The following FOXJ2 variants were observed in gnomAD, a reference collection of about 807,000 sequenced individuals.
FOXJ2 encodes the protein forkhead box J2.
A neutral mutation model predicts 68.4 loss-of-function variants in FOXJ2; 18 were observed. The observed-to-expected ratio is 0.26, with a 90% CI of 0.18 to 0.39. The LOEUF (loss-of-function observed/expected upper bound fraction) is 0.39, where lower values mean the gene tolerates loss of function less well. Ranked by LOEUF, FOXJ2 falls within the 10% of genes least tolerant of loss-of-function variation. The pLI, the probability that FOXJ2 is intolerant of heterozygous loss-of-function variation, is 1.00. For synonymous variants in FOXJ2, 274 were observed against 263.2 expected (o/e 1.04, Z -0.40); for missense variants, 670 against 726.5 (o/e 0.92, Z 0.89).
rs1256725880 is a variant in FOXJ2, at chr12:8,048,159, G to C, written c.1095G>C (p.Met365Ile). 1 of 1,613,794 alleles carries C rather than the reference G, an allele frequency of 6.2e-7. No homozygotes were observed. Among genetic ancestry groups the C allele is most frequent in the Non-Finnish European group, 8.5e-7 (1 of 1,179,904 alleles). ...ATGGGCCTCCCCCTGTAATGGCCAT[G>C]CATCCACCCCCGCTGCAGCATGGAG... is the stretch of plus-strand genomic sequence containing the variant. ...EGYGPPPVMA[M>I]HPPPLQHGGY... is the part of the protein sequence containing the mutation. The change falls in exon 7 of 11, where the codon ATG becomes ATC. Residue 365 changes from methionine (M) to isoleucine (I), a missense_variant. By Grantham distance (10) the Met-to-Ile change is conservative. Around this residue, in one of 2 missense-constraint regions of FOXJ2, gnomAD observed 555 missense variants for 562.2 expected, o/e 0.99. Coordinates refer to ENST00000162391, the MANE Select transcript of FOXJ2 (RefSeq NM_018416.3).
Position 8,040,195 on chromosome 12 carries a change from G to A in FOXJ2, c.333+30G>A, listed in dbSNP as rs754472539. 5 of 1,604,906 alleles carry A rather than the reference G, an allele frequency of 3.1e-6. No homozygotes were observed. Among genetic ancestry groups the A allele is most frequent in the African/African-American group, 2.7e-5 (2 of 74,678 alleles). ...GAATGCTTCTATAATCTTGGCTTAGGTTTAGGCTTCAACAGCCTTTTTAGA... is the reference window on the plus strand; with the variant it reads ...GAATGCTTCTATAATCTTGGCTTAGATTTAGGCTTCAACAGCCTTTTTAGA... On this transcript the variant is annotated intron_variant, in intron 2 of 10. Transcript: ENST00000162391. The surrounding 1 kb of genome is among the most constrained non-coding windows in gnomAD (Gnocchi z 4.0).
At position 8,050,495 on chromosome 12, in the gene FOXJ2, C is replaced by T. The variant is rs763078744; in HGVS notation, c.1538-27C>T. The T allele has an allele frequency of 2.5e-6, 4 of 1,604,196 alleles. No homozygotes were observed. The African/African-American group carries it at 5.4e-5, about 22-fold the overall frequency. ...GTACAGTGACCCGCCCCCCCCAACT[C>T]AAGTAACTCTTGTCTTGCTTTGGCA... On this transcript the variant is annotated intron_variant, in intron 9 of 10. Coordinates refer to ENST00000162391, the MANE Select transcript of FOXJ2 (RefSeq NM_018416.3).
Position 8,048,143 on chromosome 12 carries a change from C to A in FOXJ2, c.1079C>A (p.Pro360His). The A allele has an allele frequency of 6.2e-7, 1 of 1,613,878 alleles. No individual in the cohort carries two copies. Among genetic ancestry groups the A allele is most frequent in the Non-Finnish European group, 8.5e-7 (1 of 1,179,866 alleles). Residue 360 changes from proline (P) to histidine (H), a missense_variant, in exon 7 of 11, where the codon CCC becomes CAC. Around this residue, in one of 2 missense-constraint regions of FOXJ2, gnomAD observed 555 missense variants for 562.2 expected, o/e 0.99. Coordinates refer to ENST00000162391, the MANE Select transcript of FOXJ2 (RefSeq NM_018416.3). ...GCTGGGGCGGAAGGCTATGGGCCTC[C>A]CCCTGTAATGGCCATGCATCCACCC... ...KQAGAEGYGP[P>H]PVMAMHPPPL...
Position 8,033,176 on chromosome 12 carries a change from T to G in FOXJ2, c.-672T>G. 1 of 291,318 alleles carries G rather than the reference T, an allele frequency of 3.4e-6. No homozygotes were observed. The highest frequency in any genetic ancestry group is 6.3e-6 in the Non-Finnish European group (1 of 158,316). 18.0% of individuals were successfully genotyped at this position (291,318 alleles called of 1,614,324 possible). A position where few individuals can be genotyped will look rare whatever the true frequency, so the allele number is the denominator to read the frequency against. On this transcript the variant is annotated 5_prime_UTR_variant, in exon 1 of 11. Coordinates refer to ENST00000162391, the MANE Select transcript of FOXJ2 (RefSeq NM_018416.3). ...CCCCAGAAGTGGAAAGAAGGGAGCT[T>G]TCCGTAGGGAAGCAGAGTGAGACCA...
chr12:8,047,065 T>A (rs1202476239), intron 6 of FOXJ2, among the ~76,000 whole-genome samples: 1 of 152,156 alleles, frequency 6.6e-6, no homozygotes, highest in African/African-American at 2.4e-5. Context: ...CCAGCCTGTC[T>A]GCTTGAGAAA....
In FOXJ2 at chr12:8,038,895, C is replaced by G. The variant is rs775125077; in HGVS notation, c.-14-924C>G. On this transcript the variant is annotated intron_variant, in intron 1 of 10. Coordinates refer to ENST00000162391, the MANE Select transcript of FOXJ2 (RefSeq NM_018416.3). The surrounding 1 kb of genome is among the most constrained non-coding windows in gnomAD (Gnocchi z 5.3). ...GAGGGCGGAGAAGGGGAGCCAGCTC[C>G]GAGCTCCAGAGTGGCTATTTTTAGC... 7.9e-5 allele frequency among the ~76,000 whole-genome samples: 12 copies of G among 152,240 alleles called. No homozygotes were observed. The East Asian group carries it at 1.9e-3, about 24-fold the overall frequency.
Position 8,044,102 on chromosome 12 carries a change from G to C in FOXJ2, c.618+11G>C. ...GCCAGCTACAGCCAGGTAGGAAGCA[G>C]ATATGGCAGGGGTCATGGGATGGGT... On this transcript the variant is annotated intron_variant, in intron 5 of 10. Coordinates refer to ENST00000162391, the MANE Select transcript of FOXJ2 (RefSeq NM_018416.3). 1 of 1,521,978 alleles carries C rather than the reference G, an allele frequency of 6.6e-7. No individual in the cohort carries two copies. Among genetic ancestry groups the C allele is most frequent in the Non-Finnish European group, 8.8e-7 (1 of 1,137,594 alleles). The allele number at this position is 1,521,978 out of a possible 1,614,324, so 94.3% of individuals were successfully genotyped here. A position where few individuals can be genotyped will look rare whatever the true frequency, so the allele number is the denominator to read the frequency against.
rs747442890 is a variant in FOXJ2, at chr12:8,054,018, A to G, written c.*1168A>G. 1 of 152,248 alleles carries G rather than the reference A, an allele frequency of 6.6e-6. No individual in the cohort carries two copies. Among genetic ancestry groups the G allele is most frequent in the East Asian group, 1.9e-4 (1 of 5,190 alleles). The allele number at this position is 152,248 out of a possible 1,614,324, so 9.4% of individuals were successfully genotyped here. On this transcript the variant is annotated 3_prime_UTR_variant, in exon 11 of 11. Transcript: ENST00000162391. ...AACCTTTAGTGTTGGTGGTAGGAGGATGGGGAGAGGAAAAAAGAGCTGGCA... is the reference window on the plus strand; with the variant it reads ...AACCTTTAGTGTTGGTGGTAGGAGGGTGGGGAGAGGAAAAAAGAGCTGGCA...
Position 8,055,317 on chromosome 12 carries a change from G to T in FOXJ2, c.*2467G>T, listed in dbSNP as rs1258209934. 1 of 152,530 alleles carries T rather than the reference G, an allele frequency of 6.6e-6. No homozygotes were observed. The highest frequency in any genetic ancestry group is 2.4e-5 in the African/African-American group (1 of 41,396). 9.4% of individuals were successfully genotyped at this position (152,530 alleles called of 1,614,324 possible). A position where few individuals can be genotyped will look rare whatever the true frequency, so the allele number is the denominator to read the frequency against. ...AGAGGGACAAAAGGAGTAATTATTT[G>T]GTATAGATCCACCCATCCCAACCTT... On this transcript the variant is annotated 3_prime_UTR_variant, in exon 11 of 11. Transcript: ENST00000162391.
Position 8,033,208 on chromosome 12 carries a change from C to T in FOXJ2, c.-640C>T, listed in dbSNP as rs1343599575. 2 of 237,018 alleles carry T rather than the reference C, an allele frequency of 8.4e-6. No individual in the cohort carries two copies. The highest frequency in any genetic ancestry group is 2.2e-5 in the African/African-American group (1 of 44,482). The allele number at this position is 237,018 out of a possible 1,614,324, so 14.7% of individuals were successfully genotyped here. A position where few individuals can be genotyped will look rare whatever the true frequency, so the allele number is the denominator to read the frequency against. Reference sequence around the variant, plus strand: ...GGGAAGCAGAGTGAGACCACCCTAGCGCGCCCCCGCCCCTCCAAACACACA... The same window carrying T: ...GGGAAGCAGAGTGAGACCACCCTAGTGCGCCCCCGCCCCTCCAAACACACA... On this transcript the variant is annotated 5_prime_UTR_variant, in exon 1 of 11. Coordinates refer to ENST00000162391, the MANE Select transcript of FOXJ2 (RefSeq NM_018416.3).
chr12:8,052,720 C>T, intron 10 of FOXJ2, 42 bp from the exon 11 acceptor site: 1 of 1,524,188 alleles, frequency 6.6e-7, no homozygotes, highest in South Asian at 1.2e-5. Context: ...GGAACAGCTT[C>T]CCATCCACTC....
rs1052251623 is a variant in FOXJ2 at position 8,053,306 on chromosome 12, G to T, written c.*456G>T. 6.6e-6 allele frequency: 1 copy of T among 152,590 alleles called. No individual in the cohort carries two copies. The highest frequency in any genetic ancestry group is 1.5e-5 in the Non-Finnish European group (1 of 68,070). The allele number at this position is 152,590 out of a possible 1,614,324, so 9.5% of individuals were successfully genotyped here. A position where few individuals can be genotyped will look rare whatever the true frequency, so the allele number is the denominator to read the frequency against. ...TGTTTTTTGTTCCCATCAGTTTCAG[G>T]CCAGGACTGGAGAGGCCACATTACC... On this transcript the variant is annotated 3_prime_UTR_variant, in exon 11 of 11. Coordinates refer to ENST00000162391, the MANE Select transcript of FOXJ2 (RefSeq NM_018416.3). This position sits in a 1 kb window ranked among gnomAD's most constrained non-coding sequence, Gnocchi z 4.1.
intron 6 of FOXJ2, among the ~76,000 whole-genome samples, chr12:8,045,686 C>T (rs370751125): frequency 6.7e-6 from 1 of 148,750 alleles, no homozygotes; most frequent in African/African-American, 2.5e-5. Context: ...GGCACAGTTT[C>T]GCTCTTTGTT....
intron 10 of FOXJ2, among the ~76,000 whole-genome samples, chr12:8,050,910 CCCTT>C (rs1947113093): frequency 1.2e-5 from 1 of 86,114 alleles, no homozygotes; most frequent in African/African-American, 5.4e-5. Context: ...CCCTTCCCTT[CCCTT>C]TCCTTCCCCT....
At chr12:8,036,797 C>T (rs1735731292) in intron 1 of FOXJ2, among the ~76,000 whole-genome samples, 1 of 152,158 alleles carries the variant, frequency 6.6e-6, no homozygotes, top group South Asian at 2.1e-4. Context: ...GGCATCAAGA[C>T]TTCACTGGGG....
At chr12:8,050,181 G>A (rs1002179965) in intron 9 of FOXJ2, 40 of 299,120 alleles carry the variant, frequency 1.3e-4, no homozygotes, top group African/African-American at 6.4e-4. Flanking sequence ...TCACCGTGTC[G>A]CCCAGGCTAT....
intron 1 of FOXJ2, among the ~76,000 whole-genome samples, chr12:8,034,714 T>C (rs1946874609): frequency 6.6e-6 from 1 of 152,196 alleles, no homozygotes; most frequent in African/African-American, 2.4e-5. Flanking sequence ...GAGGAGTATA[T>C]AAAGTTTCCT....
chr12:8,037,074 GC>G (rs1338635822), intron 1 of FOXJ2, among the ~76,000 whole-genome samples: 1 of 152,156 alleles, frequency 6.6e-6, no homozygotes, highest in Non-Finnish European at 1.5e-5. Flanking sequence ...GGGCCACAGA[GC>G]AAGGCTTCGT....
In FOXJ2 at chr12:8,042,359, A is replaced by G. The variant is rs763995511; in HGVS notation, c.334-299A>G. ...GCAGATGTGATTGTGAGGCATTTATATACTTGTTACTCGGCTGGAAAGATT... is the reference window on the plus strand; with the variant it reads ...GCAGATGTGATTGTGAGGCATTTATGTACTTGTTACTCGGCTGGAAAGATT... On this transcript the variant is annotated intron_variant, in intron 2 of 10. Transcript: ENST00000162391. Among the ~76,000 whole-genome samples the G allele has an allele frequency of 4.6e-5, 7 of 152,346 alleles. No individual in the cohort carries two copies. In the East Asian group the frequency reaches 5.8e-4, roughly 13 times the overall value.
Sources: gnomAD v4.1 joint callset for allele counts (sites outside exome capture counted in the v4.1 genomes callset) on GRCh38, gnomAD v4.1.1 for gene constraint, gnomAD v4.1.1 regional missense constraint, Gnocchi (gnomAD v3.1) non-coding constraint, MANE v1.5 for transcripts, NCBI Gene and HGNC (gene_info 2026-07-23, HGNC 2026-07-21) for gene names.